The following TANC1 variants were observed in gnomAD, a reference collection of about 807,000 sequenced individuals.
TANC1 encodes protein TANC1.
A neutral mutation model predicts 149.7 loss-of-function variants in TANC1; 77 were observed. The ratio of observed to expected loss-of-function variants is 0.51; its 90% confidence interval spans 0.43 to 0.62. TANC1 has a LOEUF of 0.62. Among genes scored for constraint, TANC1 ranks in the 20% least tolerant of loss-of-function variants. The pLI is 0.00. For synonymous variants in TANC1, 854 were observed against 925.0 expected (o/e 0.92, Z 1.39); for missense variants, 1,985 against 2,321.8 (o/e 0.85, Z 2.98).
chr2:159,228,242 C>T (rs865886250), intron 25 of TANC1: 3 of 402,440 alleles, frequency 7.5e-6, no homozygotes, highest in Non-Finnish European at 8.9e-6. Context: ...CTGCAGCTTC[C>T]CAACACTGTT....
At chr2:158,980,542 C>T (rs538390333) in intron 1 of TANC1, among the ~76,000 whole-genome samples, 101 of 151,956 alleles carry the variant, frequency 6.6e-4, no homozygotes, top group African/African-American at 2.1e-3. Context: ...TTTGGGAGGC[C>T]GAAGTGGGCA....
chr2:158,998,751 C>T (rs966700120), intron 1 of TANC1, among the ~76,000 whole-genome samples: 4 of 152,156 alleles, frequency 2.6e-5, no homozygotes, highest in African/African-American at 7.2e-5. Context: ...GATGGTGAGT[C>T]AGCTCTGGGA....
intron 4 of TANC1, among the ~76,000 whole-genome samples, chr2:159,109,105 G>A (rs2047469182): frequency 1.3e-5 from 2 of 152,176 alleles, no homozygotes; most frequent in South Asian, 2.1e-4. Context: ...GAAGAGGCTA[G>A]GAGAGTAAGT....
intron 3 of TANC1, among the ~76,000 whole-genome samples, chr2:159,083,248 C>T (rs953525775): frequency 6.6e-6 from 1 of 151,978 alleles, no homozygotes; most frequent in Non-Finnish European, 1.5e-5. Context: ...AGCCACCATA[C>T]CTGGCCTATT....
In TANC1 at chr2:159,016,659, C is replaced by A. The variant is rs1574136159; in HGVS notation, c.-16+15470C>A. Among the ~76,000 whole-genome samples, 5 of 151,324 alleles carry A rather than the reference C, an allele frequency of 3.3e-5. No individual in the cohort carries two copies. The South Asian group carries it at 1.0e-3, about 32-fold the overall frequency. ...GTGTGATCTTGGCTCACTGCATGCT[C>A]TGCCTCCCGGGTTCATGCCATTTTC... On this transcript the variant is annotated intron_variant, in intron 2 of 26. Coordinates refer to ENST00000263635, the MANE Select transcript of TANC1 (RefSeq NM_033394.3).
chr2:159,071,656 G>A (rs534957643), intron 3 of TANC1, among the ~76,000 whole-genome samples: 2 of 152,278 alleles, frequency 1.3e-5, no homozygotes, highest in African/African-American at 4.8e-5. Context: ...GCTTTCAGTG[G>A]TACCTTCTAA....
At position 159,219,800 on chromosome 2, in the gene TANC1, T is replaced by C. The variant is rs780497013; in HGVS notation, c.3611T>C (p.Ile1204Thr). ...TATCTGGTTGAAGAAGGAGCTGCAA[T>C]AGACCAGACAGACAAGAATGGCCGC... is the stretch of plus-strand genomic sequence containing the variant. ...VQYLVEEGAAIDQTDKNGRTP... is the reference protein window; with the variant it reads ...VQYLVEEGAATDQTDKNGRTP... Residue 1204 changes from isoleucine (I) to threonine (T), a missense_variant, in exon 22 of 27, where the codon ATA (isoleucine) becomes ACA (threonine). Ile to Thr is a moderately conservative substitution (Grantham distance 89). Coordinates refer to ENST00000263635, the MANE Select transcript of TANC1 (RefSeq NM_033394.3). 8.7e-6 allele frequency: 14 copies of C among 1,614,070 alleles called. No individual in the cohort carries two copies. In the East Asian group the frequency reaches 2.5e-4, roughly 28 times the overall value.
intron 2 of TANC1, among the ~76,000 whole-genome samples, chr2:159,019,347 A>C (rs264620): frequency 0.22 from 33,258 of 152,228 alleles, 3,938 homozygotes; most frequent in South Asian, 0.45. Context: ...CTGAGTGGGA[A>C]TACAGGCATG....
intron 19 of TANC1, among the ~76,000 whole-genome samples, chr2:159,202,497 T>G (rs1278331481): frequency 6.6e-6 from 1 of 152,116 alleles, no homozygotes; most frequent in Non-Finnish European, 1.5e-5. Flanking sequence ...GACCATTTGG[T>G]TTTTGTCTGT....
intron 1 of TANC1, among the ~76,000 whole-genome samples, chr2:158,978,836 G>A (rs1379522988): frequency 1.3e-5 from 2 of 152,214 alleles, no homozygotes; most frequent in East Asian, 3.8e-4. Flanking sequence ...AGACAGACAT[G>A]TCTCCAGGGT....
chr2:159,143,413 A>G (rs1042961101), intron 5 of TANC1, among the ~76,000 whole-genome samples: 3 of 152,072 alleles, frequency 2.0e-5, no homozygotes, highest in Admixed American at 6.6e-5. Flanking sequence ...CAAAAAATTC[A>G]TCGATGCAGA....
At chr2:159,094,337 G>A (rs1448674100) in intron 3 of TANC1, among the ~76,000 whole-genome samples, 2 of 152,206 alleles carry the variant, frequency 1.3e-5, no homozygotes, top group East Asian at 1.9e-4. Flanking sequence ...TTCTGGGGCT[G>A]TGGCCTCAGT....
Position 159,000,437 on chromosome 2 carries a change from G to T in TANC1, c.-125-643G>T, listed in dbSNP as rs561715499. 6.6e-5 allele frequency among the ~76,000 whole-genome samples: 10 copies of T among 152,224 alleles called. No homozygotes were observed. The East Asian group carries it at 1.9e-3, about 29-fold the overall frequency. On this transcript the variant is annotated intron_variant, in intron 1 of 26. Coordinates refer to ENST00000263635, the MANE Select transcript of TANC1 (RefSeq NM_033394.3). The stretch of plus-strand genomic sequence containing the variant: ...GTTTGAAACAGTGGTTGCGGGGAGT[G>T]GGAGGAGGGCCTTTTAGAATATTCA...
intron 3 of TANC1, among the ~76,000 whole-genome samples, chr2:159,090,714 G>A (rs778218786): frequency 1.3e-5 from 2 of 152,176 alleles, no homozygotes; most frequent in African/African-American, 2.4e-5. Context: ...CAGCTAGCTC[G>A]TGACTTCACC....
In TANC1 at chr2:159,232,464, C is replaced by T. The variant is rs2060367256; in HGVS notation, c.*1452C>T. The T allele has an allele frequency of 6.6e-6, 1 of 152,602 alleles. No homozygotes were observed. The highest frequency in any genetic ancestry group is 1.5e-5 in the Non-Finnish European group (1 of 68,002). 9.5% of individuals were successfully genotyped at this position (152,602 alleles called of 1,614,324 possible). On this transcript the variant is annotated 3_prime_UTR_variant, in exon 27 of 27. Coordinates refer to ENST00000263635, the MANE Select transcript of TANC1 (RefSeq NM_033394.3). Reference sequence around the variant, plus strand: ...AATAGGAACCTCTGATGTCATTCTTCAACGTTTGTTCCTGTGTGTACAATT... The same window carrying T: ...AATAGGAACCTCTGATGTCATTCTTTAACGTTTGTTCCTGTGTGTACAATT...
chr2:159,078,684 C>G (rs1453313297), intron 3 of TANC1, among the ~76,000 whole-genome samples: 1 of 152,154 alleles, frequency 6.6e-6, no homozygotes, highest in Non-Finnish European at 1.5e-5. Context: ...TAAATTGTTA[C>G]CATGGTTATT....
In TANC1 at chr2:159,207,720, AAAAAAAAC is replaced by A. The variant is rs1477493772; in HGVS notation, c.3244+8670_3244+8677del. On this transcript the variant is annotated intron_variant, in intron 19 of 26. Transcript: ENST00000263635. ...CTCAAAAAAAAAAAAAAAAAAAAAA[AAAAAAAAC>A]AACTCAGACTTAGCCACACTCCCTC... Among the ~76,000 whole-genome samples, 1,310 of 148,404 alleles carry A rather than the reference AAAAAAAAC, an allele frequency of 8.8e-3. 49 individuals are homozygous for A. The highest frequency in any genetic ancestry group is 0.032 in the African/African-American group (1,257 of 39,436).
intron 3 of TANC1, among the ~76,000 whole-genome samples, chr2:159,083,098 A>G (rs1055626117): frequency 3.3e-5 from 5 of 151,982 alleles, no homozygotes; most frequent in Non-Finnish European, 7.4e-5. Context: ...GGCACCCACC[A>G]TATGTCCAGC....
intron 14 of TANC1, among the ~76,000 whole-genome samples, 189 bp from the exon 15 acceptor site, chr2:159,185,602 G>C (rs2056895762): frequency 6.6e-6 from 1 of 152,198 alleles, no homozygotes; most frequent in South Asian, 2.1e-4. Context: ...AAACACATTT[G>C]AGTGTTCACC....
Sources: allele counts gnomAD v4.1 joint callset (sites outside exome capture counted in the v4.1 genomes callset), GRCh38; gene constraint gnomAD v4.1.1; transcripts MANE v1.5; gene names NCBI Gene and HGNC (gene_info 2026-07-23, HGNC 2026-07-21).